Variants in LRRC75A observed in about 807,000 individuals in gnomAD.
LRRC75A encodes the protein leucine rich repeat containing 75A.
In LRRC75A, 12 loss-of-function variants were observed where a neutral mutation model predicts 26.0. That is an observed-to-expected ratio of 0.46 (90% CI 0.30 to 0.75). The LOEUF (loss-of-function observed/expected upper bound fraction) is 0.75. LRRC75A is among the 30% of genes least tolerant of loss of function. LRRC75A has a pLI of 0.08. For missense variants in LRRC75A, 410 were observed against 486.6 expected, an observed-to-expected ratio of 0.84 and a Z score of 1.48; for synonymous variants, 223 against 219.3, an observed-to-expected ratio of 1.02 and a Z score of -0.15.
At chr17:16,447,489 G>A (rs1173230311) in intron 3 of LRRC75A, among the ~76,000 whole-genome samples, 3 of 152,076 alleles carry the variant, frequency 2.0e-5, no homozygotes, top group African/African-American at 4.8e-5. Flanking sequence ...ATTTTTACAG[G>A]GTTTCGCCAC....
Position 16,462,793 on chromosome 17 carries a change from C to G in LRRC75A, c.247-407G>C. The G allele has an allele frequency of 5.5e-6, 1 of 182,700 alleles. No individual in the cohort carries two copies. The highest frequency in any genetic ancestry group is 1.2e-4 in the South Asian group (1 of 8,598). The allele number at this position is 182,700 out of a possible 1,614,324, so 11.3% of individuals were successfully genotyped here. On this transcript the variant is annotated intron_variant, in intron 1 of 3. Coordinates refer to ENST00000470794, the MANE Select transcript of LRRC75A (RefSeq NM_001113567.3). This position sits in a 1 kb window ranked among gnomAD's most constrained non-coding sequence, Gnocchi z 4.6. ...GTTTAATGATATTTATTTGTGTTTT[C>G]TTCCTGCTTCTGACGTTGTTTTTAC... is the stretch of plus-strand genomic sequence containing the variant.
intron 1 of LRRC75A, among the ~76,000 whole-genome samples, chr17:16,486,920 C>T (rs2093848257): frequency 6.6e-6 from 1 of 152,242 alleles, no homozygotes; most frequent in Non-Finnish European, 1.5e-5. Flanking sequence ...CAGCAGCAGA[C>T]ACACACGCGT....
intron 1 of LRRC75A, among the ~76,000 whole-genome samples, chr17:16,482,199 G>A (rs945911220): frequency 5.3e-5 from 8 of 152,158 alleles, no homozygotes; most frequent in African/African-American, 1.9e-4. Flanking sequence ...CAGTGGGGTG[G>A]GATGGGGGGC....
chr17:16,485,681 T>TGTGTGTGTGTTCGTTC (rs1555893692), intron 1 of LRRC75A, among the ~76,000 whole-genome samples: 1 of 135,434 alleles, frequency 7.4e-6, no homozygotes, highest in African/African-American at 3.0e-5. Flanking sequence ...CGTGTGTGTG[T>TGTGTGTGTGTTCGTTC]GTGTGTGTGT....
At position 16,443,606 on chromosome 17, in the gene LRRC75A, T is replaced by C; in HGVS notation, c.1017A>G (p.Val339=). The C allele has an allele frequency of 3.3e-6, 5 of 1,530,108 alleles. No homozygotes were observed. Among genetic ancestry groups the C allele is most frequent in the Non-Finnish European group, 4.4e-6 (5 of 1,130,642 alleles). 94.8% of individuals were successfully genotyped at this position (1,530,108 alleles called of 1,614,324 possible). A position where few individuals can be genotyped will look rare whatever the true frequency, so the allele number is the denominator to read the frequency against. The change falls in exon 4 of 4, where the codon GTA becomes GTG. Residue 339 remains valine, a synonymous_variant. Transcript: ENST00000470794. The part of the protein sequence containing the change: ...AEDHHEGKET[V]AAAQT ...TTCCATGTCACGTCTGAGCTGCAGC[T>C]ACAGTCTCCTTGCCCTCATGGTGGT...
chr17:16,444,183 C>A, intron 3 of LRRC75A, 52 bp from the exon 4 acceptor site: 1 of 1,438,876 alleles, frequency 6.9e-7, no homozygotes, highest in South Asian at 1.4e-5. Context: ...AGGCCTTTCC[C>A]CCAGAAGCTG....
At chr17:16,459,332 A>G (rs1568965542) in intron 2 of LRRC75A, among the ~76,000 whole-genome samples, 2 of 152,184 alleles carry the variant, frequency 1.3e-5, no homozygotes, top group Admixed American at 6.5e-5. Context: ...AGGAGCCTAC[A>G]CTAGGCAGGC....
At chr17:16,461,054 G>C (rs547626121) in intron 2 of LRRC75A, 1 of 152,576 alleles carries the variant, frequency 6.6e-6, no homozygotes, top group African/African-American at 2.4e-5. Context: ...TTGTGCTCCT[G>C]ACCCTGGCTG....
rs1037094996 is a variant in LRRC75A, at chr17:16,443,756, G to A, written c.867C>T (p.Ser289=). 2 of 1,613,866 alleles carry A rather than the reference G, an allele frequency of 1.2e-6. No individual in the cohort carries two copies. The highest frequency in any genetic ancestry group is 1.1e-5 in the South Asian group (1 of 91,080). Residue 289 remains serine, a synonymous_variant, in exon 4 of 4, where the codon TCC becomes TCT. Coordinates refer to ENST00000470794, the MANE Select transcript of LRRC75A (RefSeq NM_001113567.3). ...TGGTGGGTAGGTGGCCCTGCTTTGG[G>A]GAGCGCTTGCGCAGGCTGAGCAGGA... ...QPFLLSLRKR[S]PKQGHLPTIL... is the part of the protein sequence containing the mutation.
chr17:16,468,283 T>C (rs2093784353), intron 1 of LRRC75A, among the ~76,000 whole-genome samples: 1 of 152,190 alleles, frequency 6.6e-6, no homozygotes, highest in Non-Finnish European at 1.5e-5. Flanking sequence ...TCATTCACAG[T>C]AGCCAAAAGG....
intron 1 of LRRC75A, among the ~76,000 whole-genome samples, chr17:16,485,026 G>A (rs372951501): frequency 9.1e-4 from 138 of 151,664 alleles, no homozygotes; most frequent in Non-Finnish European, 1.5e-3. Flanking sequence ...GCTCAGGGCC[G>A]GGTGGGGGTA....
chr17:16,442,851 G>C lies in LRRC75A; in HGVS notation c.*737C>G, dbSNP rs1440692318. Reference sequence around the variant, plus strand: ...AAGTCTGGTAGTTTTTCAGCCAGCAGTGGGTAGGGAAGGTGGATAGGGGAT... The same window carrying C: ...AAGTCTGGTAGTTTTTCAGCCAGCACTGGGTAGGGAAGGTGGATAGGGGAT... On this transcript the variant is annotated 3_prime_UTR_variant, in exon 4 of 4. Coordinates refer to ENST00000470794, the MANE Select transcript of LRRC75A (RefSeq NM_001113567.3). 6.6e-6 allele frequency: 1 copy of C among 152,288 alleles called. No individual in the cohort carries two copies. The highest frequency in any genetic ancestry group is 1.5e-5 in the Non-Finnish European group (1 of 68,066). 9.4% of individuals were successfully genotyped at this position (152,288 alleles called of 1,614,324 possible).
chr17:16,469,954 A>G (rs1260458161), intron 1 of LRRC75A, among the ~76,000 whole-genome samples: 1 of 152,132 alleles, frequency 6.6e-6, no homozygotes, highest in Non-Finnish European at 1.5e-5. Context: ...GGCACAGTCC[A>G]CAGACTAAGG....
intron 1 of LRRC75A, among the ~76,000 whole-genome samples, chr17:16,481,149 T>A (rs2093833046): frequency 6.6e-6 from 1 of 152,182 alleles, no homozygotes; most frequent in African/African-American, 2.4e-5. Context: ...CATTAGAGCC[T>A]CAGCGCTGCC....
chr17:16,462,424 TG>T lies in LRRC75A; in HGVS notation c.247-39del. The T allele has an allele frequency of 1.2e-6, 2 of 1,611,682 alleles. No homozygotes were observed. Among genetic ancestry groups the T allele is most frequent in the Non-Finnish European group, 1.7e-6 (2 of 1,179,452 alleles). On this transcript the variant is annotated intron_variant, in intron 1 of 3. Coordinates refer to ENST00000470794, the MANE Select transcript of LRRC75A (RefSeq NM_001113567.3). The surrounding 1 kb of genome is among the most constrained non-coding windows in gnomAD (Gnocchi z 4.6). ...AGGATGCCCAGAGGTCAGGGCTGGC[TG>T]CCCACCCAGCTCGCCCACCATCCCC...
At chr17:16,472,028 T>C (rs1332692241) in intron 1 of LRRC75A, among the ~76,000 whole-genome samples, 1 of 152,190 alleles carries the variant, frequency 6.6e-6, no homozygotes, top group Non-Finnish European at 1.5e-5. Flanking sequence ...TTAATGCCAC[T>C]GAACTGTGCA....
At chr17:16,461,515 A>G (rs1020978534) in intron 2 of LRRC75A, among the ~76,000 whole-genome samples, 3 of 152,244 alleles carry the variant, frequency 2.0e-5, no homozygotes. Flanking sequence ...CTGCAGGAAC[A>G]TGGCAGAACC....
chr17:16,474,529 A>C (rs1253402431), intron 1 of LRRC75A, among the ~76,000 whole-genome samples: 1 of 152,106 alleles, frequency 6.6e-6, no homozygotes, highest in African/African-American at 2.4e-5. Flanking sequence ...TCTGAGGTCC[A>C]CAGGCCCCTA....
intron 2 of LRRC75A, among the ~76,000 whole-genome samples, chr17:16,451,813 T>C (rs974846915): frequency 1.5e-4 from 22 of 149,636 alleles, no homozygotes; most frequent in African/African-American, 4.9e-5. Flanking sequence ...GGCGCGATCT[T>C]GGCTCACTGC....
Sources: allele counts gnomAD v4.1 joint callset (sites outside exome capture counted in the v4.1 genomes callset), GRCh38; gene constraint gnomAD v4.1.1; non-coding constraint Gnocchi (gnomAD v3.1); transcripts MANE v1.5; gene names NCBI Gene and HGNC (gene_info 2026-07-23, HGNC 2026-07-21).